SV2B: variants seen among roughly 807,000 people sequenced by gnomAD.
SV2B encodes the protein synaptic vesicle glycoprotein 2B, also known as solute carrier family 22 member B2.
SV2B carries 41 observed loss-of-function variants against 73.9 expected under a neutral mutation model. The ratio of observed to expected loss-of-function variants is 0.56; its 90% CI spans 0.43 to 0.72. The LOEUF is 0.72. Ranked by LOEUF, SV2B falls within the 30% of genes least tolerant of loss-of-function variation. The pLI is 0.00. For synonymous variants in SV2B, 314 were observed against 314.2 expected, an observed-to-expected ratio of 1.00 and a Z score of 0.01; for missense variants, 764 against 857.8, an observed-to-expected ratio of 0.89 and a Z score of 1.37.
intron 1 of SV2B, among the ~76,000 whole-genome samples, chr15:91,103,238 A>G (rs1295338004): frequency 1.3e-5 from 2 of 152,208 alleles, no homozygotes; most frequent in African/African-American, 4.8e-5. Flanking sequence ...AACAGGAAGC[A>G]CAGGAATTAA....
chr15:91,172,667 C>T (rs985228224), intron 1 of SV2B, among the ~76,000 whole-genome samples: 1 of 152,202 alleles, frequency 6.6e-6, no homozygotes, highest in Non-Finnish European at 1.5e-5. Flanking sequence ...CAAGTTTCCA[C>T]TCTGGAGACA....
intron 1 of SV2B, among the ~76,000 whole-genome samples, chr15:91,179,750 T>C (rs1247727372): frequency 2.6e-5 from 4 of 152,214 alleles, no homozygotes; most frequent in Non-Finnish European, 5.9e-5. Context: ...GCTTGGTAGA[T>C]CTTCCTCCAT....
chr15:91,235,736 CT>C (rs2046754864), intron 2 of SV2B, among the ~76,000 whole-genome samples: 1 of 152,208 alleles, frequency 6.6e-6, no homozygotes, highest in African/African-American at 2.4e-5. Context: ...CTCAAAAGCA[CT>C]TGTGTCAACA....
rs1295752083 is a variant in SV2B at position 91,226,876 on chromosome 15, A to T, written c.451+162A>T. On this transcript the variant is annotated intron_variant, in intron 2 of 12. Transcript: ENST00000394232. ...AATCAATTGATTGACTTAAGTTTGC[A>T]CAGCTAATAAGTATTGGAGCTTAGG... Among the ~76,000 whole-genome samples, 6 of 152,176 alleles carry T rather than the reference A, an allele frequency of 3.9e-5. No homozygotes were observed. In the South Asian group the frequency reaches 1.0e-3, roughly 26 times the overall value.
At position 91,265,334 on chromosome 15, in the gene SV2B, G is replaced by C. The variant is rs899382145; in HGVS notation, c.1009-1248G>C. On this transcript the variant is annotated intron_variant, in intron 6 of 12. Coordinates refer to ENST00000394232, the MANE Select transcript of SV2B (RefSeq NM_001323032.3). The surrounding 1 kb of genome is among the most constrained non-coding windows in gnomAD (Gnocchi z 4.2). ...CGGCTGAGAACCCACGATCTGCAGG[G>C]CTGGGGGAACACAGGCCATATTCTA... 6.6e-6 allele frequency among the ~76,000 whole-genome samples: 1 copy of C among 152,202 alleles called. No individual in the cohort carries two copies. The highest frequency in any genetic ancestry group is 1.5e-5 in the Non-Finnish European group (1 of 68,036).
chr15:91,228,912 C>T (rs1489227589), intron 2 of SV2B, among the ~76,000 whole-genome samples: 1 of 152,184 alleles, frequency 6.6e-6, no homozygotes, highest in Admixed American at 6.5e-5. Context: ...TTCAGAGTCA[C>T]CATGTCGGTT....
chr15:91,123,817 A>G lies in SV2B; in HGVS notation c.-392+23454A>G, dbSNP rs2042403922. On this transcript the variant is annotated intron_variant, in intron 1 of 12. Transcript: ENST00000394232. The surrounding 1 kb of genome is among the most constrained non-coding windows in gnomAD (Gnocchi z 4.7). Reference sequence around the variant, plus strand: ...AAGGAGAGACTAATTGGGAACAGGCAGGATTTGACAGTTTGGAAAAATCAG... The same window carrying G: ...AAGGAGAGACTAATTGGGAACAGGCGGGATTTGACAGTTTGGAAAAATCAG... 6.6e-6 allele frequency among the ~76,000 whole-genome samples: 1 copy of G among 152,184 alleles called. No individual in the cohort carries two copies.
intron 1 of SV2B, among the ~76,000 whole-genome samples, chr15:91,126,986 C>T (rs1045155848): frequency 6.6e-6 from 1 of 152,202 alleles, no homozygotes; most frequent in Non-Finnish European, 1.5e-5. Flanking sequence ...CATTATAGGA[C>T]ACATAGCATG....
intron 1 of SV2B, among the ~76,000 whole-genome samples, chr15:91,135,597 C>T (rs1452415452): frequency 6.6e-6 from 1 of 152,184 alleles, no homozygotes; most frequent in Non-Finnish European, 1.5e-5. Flanking sequence ...GAATGTAAAA[C>T]AGCGTCTGTC....
chr15:91,267,037 C>T lies in SV2B; in HGVS notation c.1119+345C>T, dbSNP rs983204659. On this transcript the variant is annotated intron_variant, in intron 7 of 12. Coordinates refer to ENST00000394232, the MANE Select transcript of SV2B (RefSeq NM_001323032.3). This position sits in a 1 kb window ranked among gnomAD's most constrained non-coding sequence, Gnocchi z 4.3. ...GAAGAAGTGAGTAAAATAAATGACCCCTTGAGGCTTGTTCTTGATTTCCAA... is the reference window on the plus strand; with the variant it reads ...GAAGAAGTGAGTAAAATAAATGACCTCTTGAGGCTTGTTCTTGATTTCCAA... The T allele has an allele frequency of 3.6e-5, 7 of 196,742 alleles. No homozygotes were observed. Among genetic ancestry groups the T allele is most frequent in the Non-Finnish European group, 7.2e-5 (7 of 97,542 alleles). The allele number at this position is 196,742 out of a possible 1,614,324, so 12.2% of individuals were successfully genotyped here.
In SV2B at chr15:91,267,355, T is replaced by A. The variant is rs983726227; in HGVS notation, c.1120-200T>A. ...GGAAAATCCTATTGGACTGTTAGAG[T>A]ATGAGGCCAGCCAGTAGGAAGAGAA... On this transcript the variant is annotated intron_variant, in intron 7 of 12. Transcript: ENST00000394232. This position sits in a 1 kb window ranked among gnomAD's most constrained non-coding sequence, Gnocchi z 4.3. Among the ~76,000 whole-genome samples, 18 of 152,120 alleles carry A rather than the reference T, an allele frequency of 1.2e-4. No homozygotes were observed. Among genetic ancestry groups the A allele is most frequent in the Admixed American group, 1.2e-3 (18 of 15,274 alleles).
chr15:91,250,652 T>C (rs1425259412), intron 2 of SV2B, among the ~76,000 whole-genome samples: 3 of 152,186 alleles, frequency 2.0e-5, no homozygotes, highest in Non-Finnish European at 4.4e-5. Context: ...AAAATAGTAA[T>C]GTTTCTATAT....
chr15:91,184,071 C>T (rs917838245), intron 1 of SV2B, among the ~76,000 whole-genome samples: 4 of 152,114 alleles, frequency 2.6e-5, no homozygotes, highest in African/African-American at 7.2e-5. Context: ...AGTTAACTGT[C>T]ACAATATTGT....
intron 1 of SV2B, among the ~76,000 whole-genome samples, chr15:91,217,954 C>T (rs1382219969): frequency 6.6e-6 from 1 of 152,188 alleles, no homozygotes. Flanking sequence ...AGTCCCATGC[C>T]CTCACTCAGT....
intron 9 of SV2B, among the ~76,000 whole-genome samples, chr15:91,279,633 AG>A (rs2048619301): frequency 6.6e-6 from 1 of 152,238 alleles, no homozygotes; most frequent in Non-Finnish European, 1.5e-5. Context: ...AGACATTTTA[AG>A]GGCTGCCTGC....
At chr15:91,131,461 G>GTA (rs964714876) in intron 1 of SV2B, among the ~76,000 whole-genome samples, 5 of 152,022 alleles carry the variant, frequency 3.3e-5, no homozygotes, top group African/African-American at 1.2e-4. Flanking sequence ...ATGTGTATAT[G>GTA]TATATATTTT....
intron 1 of SV2B, among the ~76,000 whole-genome samples, chr15:91,107,415 C>T (rs978368005): frequency 6.0e-5 from 9 of 151,004 alleles, no homozygotes; most frequent in Non-Finnish European, 7.4e-5. Flanking sequence ...CGGGTTCAAG[C>T]GATTCTCCTG....
In SV2B at chr15:91,280,702, C is replaced by A. The variant is rs2048656400; in HGVS notation, c.1374-1026C>A. Among the ~76,000 whole-genome samples the A allele has an allele frequency of 1.3e-5, 2 of 152,152 alleles. No homozygotes were observed. The highest frequency in any genetic ancestry group is 2.9e-5 in the Non-Finnish European group (2 of 68,010). On this transcript the variant is annotated intron_variant, in intron 9 of 12. Coordinates refer to ENST00000394232, the MANE Select transcript of SV2B (RefSeq NM_001323032.3). This position sits in a 1 kb window ranked among gnomAD's most constrained non-coding sequence, Gnocchi z 5.8. ...GCAGTGACTCCCACATGTGGCTGCG[C>A]CTCAGAATCGTCTAGGTGCCTTATT...
chr15:91,133,746 G>A (rs1596458145), intron 1 of SV2B, among the ~76,000 whole-genome samples: 1 of 152,106 alleles, frequency 6.6e-6, no homozygotes, highest in African/African-American at 2.4e-5. Context: ...TGGCAACAAA[G>A]TCTTTGACTG....
Sources: allele counts gnomAD v4.1 joint callset (sites outside exome capture counted in the v4.1 genomes callset), GRCh38; gene constraint gnomAD v4.1.1; non-coding constraint Gnocchi (gnomAD v3.1); transcripts MANE v1.5; gene names NCBI Gene and HGNC (gene_info 2026-07-23, HGNC 2026-07-21).